Variants in MGAM2 observed in about 807,000 individuals in gnomAD.
MGAM2 encodes the protein probable maltase-glucoamylase 2.
In MGAM2, 98 loss-of-function variants were observed where a neutral mutation model predicts 96.1. The ratio of observed to expected loss-of-function variants is 1.02; its 90% CI spans 0.87 to 1.21. The LOEUF (loss-of-function observed/expected upper bound fraction) is 1.21. Among genes scored for constraint, MGAM2 ranks in the 50% most tolerant of loss-of-function variants. The pLI is 0.00. For missense variants in MGAM2, 2,055 were observed against 1,182.4 expected, an observed-to-expected ratio of 1.74 and a Z score of -10.82; for synonymous variants, 749 against 414.8, an observed-to-expected ratio of 1.81 and a Z score of -9.79.
chr7:142,130,590 G>T (rs1294232539), intron 3 of MGAM2, among the ~76,000 whole-genome samples: 1 of 152,116 alleles, frequency 6.6e-6, no homozygotes, highest in Non-Finnish European at 1.5e-5. Flanking sequence ...CGCCTACTAG[G>T]CTGGGTACAG....
intron 46 of MGAM2, among the ~76,000 whole-genome samples, chr7:142,209,614 A>G (rs1797516072): frequency 6.6e-6 from 1 of 152,172 alleles, no homozygotes; most frequent in African/African-American, 2.4e-5. Context: ...AGTGATTCAC[A>G]TATTTGAAGA....
At position 142,156,234 on chromosome 7, in the gene MGAM2, G is replaced by A. The variant is rs150450159; in HGVS notation, c.1923+1389G>A. 1.1e-3 allele frequency among the ~76,000 whole-genome samples: 166 copies of A among 151,990 alleles called. 1 individual carries two copies. The highest frequency in any genetic ancestry group is 1.8e-3 in the Non-Finnish European group (125 of 67,982). On this transcript the variant is annotated intron_variant, in intron 17 of 47. Transcript: ENST00000477922. ...TATAGCTCAATGTGTATCTATATGT[G>A]TGTGTGTGTCTGTATATTACATAGC...
intron 30 of MGAM2, 115 bp downstream of exon 30, chr7:142,172,879 T>C (rs1449011532): frequency 1.7e-6 from 1 of 575,472 alleles, no homozygotes; most frequent in Non-Finnish European, 3.1e-6. Context: ...CACTACTAGA[T>C]TATTACTGCC....
At chr7:142,180,976 A>G (rs1796520202) in intron 32 of MGAM2, among the ~76,000 whole-genome samples, 1 of 152,150 alleles carries the variant, frequency 6.6e-6, no homozygotes, top group African/African-American at 2.4e-5. Flanking sequence ...TTGAGTTTCA[A>G]CATTCTCCTG....
chr7:142,145,549 G>C (rs576131081), intron 14 of MGAM2, among the ~76,000 whole-genome samples: 3 of 152,240 alleles, frequency 2.0e-5, no homozygotes, highest in African/African-American at 7.2e-5. Flanking sequence ...TGGAGGTGGC[G>C]GGTGGCAGTG....
rs1242582454 is a variant in MGAM2, at chr7:142,220,067, T to A, written c.5556T>A (p.Thr1852=). The A allele has an allele frequency of 2.8e-6, 2 of 702,796 alleles. No homozygotes were observed. Among genetic ancestry groups the A allele is most frequent in the Non-Finnish European group, 5.2e-6 (2 of 384,944 alleles). 43.5% of individuals were successfully genotyped at this position (702,796 alleles called of 1,614,324 possible). Residue 1852 remains threonine (T), a synonymous_variant, in exon 48 of 48, where the codon ACT becomes ACA. Transcript: ENST00000477922. ...ITSSASANTT[T]GTTDTVPITT... Reference sequence around the variant, plus strand: ...GTTCTGCCAGTGCAAATACTACCACTGGCACTACTGATACTGTTCCTATCA... The same window carrying A: ...GTTCTGCCAGTGCAAATACTACCACAGGCACTACTGATACTGTTCCTATCA...
rs766688437 is a variant in MGAM2, at chr7:142,166,149, A to G, written c.2704A>G (p.Ile902Val). 4 of 702,378 alleles carry G rather than the reference A, an allele frequency of 5.7e-6. No individual in the cohort carries two copies. The highest frequency in any genetic ancestry group is 1.7e-5 in the African/African-American group (1 of 57,200). The allele number at this position is 702,378 out of a possible 1,614,324, so 43.5% of individuals were successfully genotyped here. A position where few individuals can be genotyped will look rare whatever the true frequency, so the allele number is the denominator to read the frequency against. The change falls in exon 25 of 48, where the codon ATT (isoleucine) becomes GTT (valine). Residue 902 changes from isoleucine to valine, a missense_variant. Coordinates refer to ENST00000477922, the MANE Select transcript of MGAM2 (RefSeq NM_001293626.2). ...ACTGGTACTGGGACAAGAATTCTCTATTAGGTGGAATCTTCCTGTCAGTGA... is the reference window on the plus strand; with the variant it reads ...ACTGGTACTGGGACAAGAATTCTCTGTTAGGTGGAATCTTCCTGTCAGTGA... ...QGLVLGQEFSIRWNLPVSDLE... is the reference protein window; with the variant it reads ...QGLVLGQEFSVRWNLPVSDLE...
At chr7:142,132,158 G>T in intron 6 of MGAM2, 73 bp downstream of exon 6, 1 of 604,814 alleles carries the variant, frequency 1.7e-6, no homozygotes, top group East Asian at 2.9e-5. Flanking sequence ...TTTACTGGGG[G>T]TGGGCAGTGA....
intron 12 of MGAM2, 29 bp from the exon 13 acceptor site, chr7:142,143,740 G>A (rs1795303340): frequency 1.8e-6 from 1 of 547,104 alleles, no homozygotes. Context: ...CAACCAAGCT[G>A]ATTGCCACTG....
At chr7:142,119,775 T>C (rs969946285) in intron 2 of MGAM2, among the ~76,000 whole-genome samples, 1 of 152,200 alleles carries the variant, frequency 6.6e-6, no homozygotes, top group Admixed American at 6.5e-5. Flanking sequence ...TGCAAAACCT[T>C]ATGCCAGGTG....
intron 32 of MGAM2, among the ~76,000 whole-genome samples, chr7:142,180,532 T>A (rs868862531): frequency 2.6e-5 from 4 of 152,172 alleles, no homozygotes; most frequent in African/African-American, 9.6e-5. Flanking sequence ...TTATCTTGCA[T>A]AATATTTCAT....
chr7:142,116,162 A>G (rs1267665428), intron 1 of MGAM2, among the ~76,000 whole-genome samples: 1 of 152,232 alleles, frequency 6.6e-6, no homozygotes, highest in African/African-American at 2.4e-5. Context: ...TAAATAGCCC[A>G]TCTGTTAGTA....
At chr7:142,135,769 G>C (rs906698423) in intron 7 of MGAM2, among the ~76,000 whole-genome samples, 1 of 130,018 alleles carries the variant, frequency 7.7e-6, no homozygotes, top group Admixed American at 7.9e-5. Context: ...CTCTTCTTAG[G>C]TCAGTGCTCA....
rs1274335767 is a variant in MGAM2 at position 142,186,010 on chromosome 7, T to C, written c.4009T>C (p.Phe1337Leu). 1.4e-6 allele frequency: 1 copy of C among 703,682 alleles called. No homozygotes were observed. Among genetic ancestry groups the C allele is most frequent in the South Asian group, 1.5e-5 (1 of 67,596 alleles). 43.6% of individuals were successfully genotyped at this position (703,682 alleles called of 1,614,324 possible). The part of the protein sequence containing the change: ...QVKLYRAYVA[F>L]PDFFRNSTAA... ...ACAGCTTTACAGGGCCTACGTTGCC[T>C]TTCCTGACTTCTTTCGTAATAGCAC... is the stretch of plus-strand genomic sequence containing the variant. Residue 1337 changes from phenylalanine to leucine, a missense_variant, in exon 35 of 48, where the codon TTT (phenylalanine) becomes CTT (leucine). Transcript: ENST00000477922.
intron 47 of MGAM2, among the ~76,000 whole-genome samples, 176 bp downstream of exon 47, chr7:142,218,707 T>C (rs1014982688): frequency 2.5e-4 from 38 of 152,304 alleles, no homozygotes; most frequent in African/African-American, 8.4e-4. Flanking sequence ...AATCATATTG[T>C]AAAATATGCA....
chr7:142,131,597 A>G lies in MGAM2; in HGVS notation c.390A>G (p.Glu130=). The G allele has an allele frequency of 1.4e-6, 1 of 703,180 alleles. No individual in the cohort carries two copies. The highest frequency in any genetic ancestry group is 2.6e-6 in the Non-Finnish European group (1 of 385,016). 43.6% of individuals were successfully genotyped at this position (703,180 alleles called of 1,614,324 possible). Residue 130 remains glutamate, a synonymous_variant, in exon 5 of 48, where the codon GAA becomes GAG. Transcript: ENST00000477922. The part of the protein sequence containing the change: ...NDVATTLFTA[E]YQTSNRFHFK... ...TCGCCACCACCCTTTTCACAGCTGA[A>G]TATCAGACATCCAATCGGTTTCATT...
intron 32 of MGAM2, among the ~76,000 whole-genome samples, chr7:142,176,536 TGGAG>T (rs1796383864): frequency 6.6e-6 from 1 of 152,148 alleles, no homozygotes; most frequent in African/African-American, 2.4e-5. Context: ...TTTATTCTAA[TGGAG>T]GGAGACAGCC....
chr7:142,132,560 T>C (rs1262736377), intron 6 of MGAM2, among the ~76,000 whole-genome samples: 1 of 131,428 alleles, frequency 7.6e-6, no homozygotes, highest in South Asian at 2.2e-4. Flanking sequence ...AATTATACAT[T>C]CCATATACTT....
intron 46 of MGAM2, among the ~76,000 whole-genome samples, chr7:142,212,109 G>T (rs991840071): frequency 6.6e-6 from 1 of 152,122 alleles, no homozygotes; most frequent in Non-Finnish European, 1.5e-5. Context: ...TAAGTGAAGG[G>T]GAAATAAAAT....
Sources: gnomAD v4.1 joint callset for allele counts (sites outside exome capture counted in the v4.1 genomes callset) on GRCh38, gnomAD v4.1.1 for gene constraint, MANE v1.5 for transcripts, NCBI Gene and HGNC (gene_info 2026-07-23, HGNC 2026-07-21) for gene names.